Variants in PSMD13 observed in about 807,000 individuals in gnomAD.
PSMD13 encodes the protein proteasome 26S subunit, non-ATPase 13, also known as 26S proteasome non-ATPase regulatory subunit 13.
PSMD13 carries 8 observed loss-of-function variants against 57.4 expected under a neutral mutation model. That is an observed-to-expected ratio of 0.14 (90% confidence interval 0.08 to 0.25). PSMD13 has a LOEUF of 0.25. Ranked by LOEUF, PSMD13 falls within the 10% of genes least tolerant of loss-of-function variation. The pLI is 1.00. For missense variants in PSMD13, 400 were observed against 461.5 expected (o/e 0.87, Z 1.22); for synonymous variants, 193 against 168.2 (o/e 1.15, Z -1.14).
chr11:241,086 C>A (rs1859504471), intron 2 of PSMD13, among the ~76,000 whole-genome samples: 1 of 151,962 alleles, frequency 6.6e-6, no homozygotes, highest in African/African-American at 2.4e-5. Context: ...CCCGCCTTGG[C>A]CTCCCAAAGT....
chr11:247,924 A>G (rs1859686794), intron 7 of PSMD13: 1 of 152,908 alleles, frequency 6.5e-6, no homozygotes, highest in African/African-American at 2.4e-5. Context: ...TCTACATTAT[A>G]TTTGTCTCCA....
chr11:243,943 G>A (rs1317116187), intron 2 of PSMD13, 98 bp from the exon 3 acceptor site: 1 of 1,248,766 alleles, frequency 8.0e-7, no homozygotes, highest in Non-Finnish European at 1.1e-6. Flanking sequence ...CAACTTGATA[G>A]CATTGATGCA....
rs567592293 is a variant in PSMD13, at chr11:252,325, G to A, written c.1036-180G>A. Reference sequence around the variant, plus strand: ...CATGCAAGTTTTTTCTAACGTTCCTGTGAAAAGAATTAACCCGGCAAGTCC... The same window carrying A: ...CATGCAAGTTTTTTCTAACGTTCCTATGAAAAGAATTAACCCGGCAAGTCC... On this transcript the variant is annotated intron_variant, in intron 12 of 12. Coordinates refer to ENST00000532097, the MANE Select transcript of PSMD13 (RefSeq NM_002817.4). The surrounding 1 kb of genome is among the most constrained non-coding windows in gnomAD (Gnocchi z 4.1). 533 of 594,634 alleles carry A rather than the reference G, an allele frequency of 9.0e-4. 3 individuals carry two copies. The highest frequency in any genetic ancestry group is 1.5e-3 in the Non-Finnish European group (495 of 332,710). 36.8% of individuals were successfully genotyped at this position (594,634 alleles called of 1,614,324 possible).
chr11:251,277 C>G lies in PSMD13; in HGVS notation c.838-269C>G, dbSNP rs1452732297. The G allele has an allele frequency of 4.1e-6, 2 of 492,790 alleles. No individual in the cohort carries two copies. The highest frequency in any genetic ancestry group is 3.9e-5 in the African/African-American group (2 of 51,674). 30.5% of individuals were successfully genotyped at this position (492,790 alleles called of 1,614,324 possible). A position where few individuals can be genotyped will look rare whatever the true frequency, so the allele number is the denominator to read the frequency against. On this transcript the variant is annotated intron_variant, in intron 10 of 12. Transcript: ENST00000532097. The surrounding 1 kb of genome is among the most constrained non-coding windows in gnomAD (Gnocchi z 4.6). ...TTGCCGTGGTCACCCCTGGTCAACC[C>G]TGGCAAATTGTGGCCTCAAGTACTT...
In PSMD13 at chr11:249,127, G is replaced by A. The variant is rs965424226; in HGVS notation, c.774+70G>A. On this transcript the variant is annotated intron_variant, in intron 9 of 12. Coordinates refer to ENST00000532097, the MANE Select transcript of PSMD13 (RefSeq NM_002817.4). ...CTCGCTCATACAACAGATGTTCATT[G>A]AGCGTCTTCCCTAGGCACACAGGAA... is the stretch of plus-strand genomic sequence containing the variant. 2.5e-6 allele frequency: 4 copies of A among 1,590,582 alleles called. No homozygotes were observed. In the African/African-American group the frequency reaches 5.4e-5, roughly 21 times the overall value.
rs539058326 is a variant in PSMD13 at position 248,524 on chromosome 11, G to A, written c.569-252G>A. 4 of 499,076 alleles carry A rather than the reference G, an allele frequency of 8.0e-6. No individual in the cohort carries two copies. The South Asian group carries it at 1.0e-4, about 12-fold the overall frequency. The allele number at this position is 499,076 out of a possible 1,614,324, so 30.9% of individuals were successfully genotyped here. On this transcript the variant is annotated intron_variant, in intron 7 of 12. Transcript: ENST00000532097. ...GGCACTTCCTGGAAGTGGCACAGCT[G>A]AAAATATGAATAGATTCACATATAT...
rs956304517 is a variant in PSMD13 at position 251,092 on chromosome 11, C to T, written c.837+227C>T. On this transcript the variant is annotated intron_variant, in intron 10 of 12. Transcript: ENST00000532097. This position sits in a 1 kb window ranked among gnomAD's most constrained non-coding sequence, Gnocchi z 4.6. Reference sequence around the variant, plus strand: ...ACCCTCCCACCCCACTGCCACCACCCTGAGGCCTTCCCTGACCATCTGAAC... The same window carrying T: ...ACCCTCCCACCCCACTGCCACCACCTTGAGGCCTTCCCTGACCATCTGAAC... The T allele has an allele frequency of 3.7e-6, 2 of 543,884 alleles. No individual in the cohort carries two copies. Among genetic ancestry groups the T allele is most frequent in the South Asian group, 2.2e-5 (1 of 46,084 alleles). The allele number at this position is 543,884 out of a possible 1,614,324, so 33.7% of individuals were successfully genotyped here.
Position 244,658 on chromosome 11 carries a change from T to G in PSMD13, c.310-17T>G. 2 of 1,603,406 alleles carry G rather than the reference T, an allele frequency of 1.2e-6. No individual in the cohort carries two copies. The highest frequency in any genetic ancestry group is 1.7e-6 in the Non-Finnish European group (2 of 1,175,154). Reference sequence around the variant, plus strand: ...CCCACATTCTGAGGTTTCTTGTTTTTGTTTTTGATGTCTTAGGTGAAAAGT... The same window carrying G: ...CCCACATTCTGAGGTTTCTTGTTTTGGTTTTTGATGTCTTAGGTGAAAAGT... On this transcript the variant is annotated splice_polypyrimidine_tract_variant and intron_variant, in intron 5 of 12. Coordinates refer to ENST00000532097, the MANE Select transcript of PSMD13 (RefSeq NM_002817.4).
intron 6 of PSMD13, among the ~76,000 whole-genome samples, chr11:246,582 G>A (rs1046588139): frequency 1.3e-5 from 2 of 152,154 alleles, no homozygotes; most frequent in African/African-American, 2.4e-5. Flanking sequence ...GGTCCCTTGT[G>A]TGTGGGCAGA....
chr11:251,630 C>CG lies in PSMD13; in HGVS notation c.918+6dup. The CG allele has an allele frequency of 1.2e-6, 2 of 1,610,688 alleles. No homozygotes were observed. The highest frequency in any genetic ancestry group is 1.7e-6 in the Non-Finnish European group (2 of 1,176,860). On this transcript the variant is annotated splice_donor_region_variant and intron_variant, in intron 11 of 12. Transcript: ENST00000532097. This position sits in a 1 kb window ranked among gnomAD's most constrained non-coding sequence, Gnocchi z 4.6. ...TGCTAAAATCACAGTGAATGAGGTA[C>CG]GGTCCCTAGGCTCAGGGTGTTAGAG...
rs538884382 is a variant in PSMD13 at position 252,842 on chromosome 11, G to T, written c.*242G>T. 1.9e-5 allele frequency: 9 copies of T among 469,606 alleles called. No individual in the cohort carries two copies. The East Asian group carries it at 2.8e-4, about 15-fold the overall frequency. The allele number at this position is 469,606 out of a possible 1,614,324, so 29.1% of individuals were successfully genotyped here. On this transcript the variant is annotated 3_prime_UTR_variant, in exon 13 of 13. Coordinates refer to ENST00000532097, the MANE Select transcript of PSMD13 (RefSeq NM_002817.4). This position sits in a 1 kb window ranked among gnomAD's most constrained non-coding sequence, Gnocchi z 4.1. The stretch of plus-strand genomic sequence containing the variant: ...GGGGTCTCAGGGTCTTAGGTGATAC[G>T]GGAGAGAAAGAACGTGCCAGGCAGG...
At position 252,942 on chromosome 11, in the gene PSMD13, G is replaced by A. The variant is rs1045577; in HGVS notation, c.*342G>A. ...CCTGTACGGACATCTTTTCCGTTGC[G>A]GTTTGAGAATGTTCCTATAATAAAC... On this transcript the variant is annotated 3_prime_UTR_variant, in exon 13 of 13. Coordinates refer to ENST00000532097, the MANE Select transcript of PSMD13 (RefSeq NM_002817.4). This position sits in a 1 kb window ranked among gnomAD's most constrained non-coding sequence, Gnocchi z 4.1. 16,984 of 206,758 alleles carry A rather than the reference G, an allele frequency of 0.082. 846 individuals are homozygous for A. The highest frequency in any genetic ancestry group is 0.088 in the Non-Finnish European group (8,801 of 100,122). 12.8% of individuals were successfully genotyped at this position (206,758 alleles called of 1,614,324 possible). A position where few individuals can be genotyped will look rare whatever the true frequency, so the allele number is the denominator to read the frequency against.
chr11:248,590 G>A lies in PSMD13; in HGVS notation c.569-186G>A, dbSNP rs868402566. On this transcript the variant is annotated intron_variant, in intron 7 of 12. Coordinates refer to ENST00000532097, the MANE Select transcript of PSMD13 (RefSeq NM_002817.4). ...TGAATGCTCCTCCCAAAAAACCCATGTATATATGGTTCTTGGTATAATCTA... is the reference window on the plus strand; with the variant it reads ...TGAATGCTCCTCCCAAAAAACCCATATATATATGGTTCTTGGTATAATCTA... The A allele has an allele frequency of 5.4e-5, 33 of 608,170 alleles. No homozygotes were observed. In the South Asian group the frequency reaches 6.5e-4, roughly 12 times the overall value. 37.7% of individuals were successfully genotyped at this position (608,170 alleles called of 1,614,324 possible).
chr11:246,668 C>T (rs914569521), intron 6 of PSMD13, among the ~76,000 whole-genome samples: 6 of 152,188 alleles, frequency 3.9e-5, no homozygotes, highest in African/African-American at 1.4e-4. Flanking sequence ...TACATGCTCC[C>T]TCAGCACCAT....
intron 2 of PSMD13, 105 bp from the exon 3 acceptor site, chr11:243,936 C>A: frequency 8.3e-7 from 1 of 1,204,460 alleles, no homozygotes. Flanking sequence ...ACACTCCCAA[C>A]TTGATAGCAT....
At chr11:237,495 C>T (rs567510415) in intron 1 of PSMD13, among the ~76,000 whole-genome samples, 1 of 152,312 alleles carries the variant, frequency 6.6e-6, no homozygotes, top group Non-Finnish European at 1.5e-5. Flanking sequence ...CTCTTGATTC[C>T]ATCTAACAAG....
chr11:242,929 G>A (rs1358033330), intron 2 of PSMD13, among the ~76,000 whole-genome samples: 1 of 152,070 alleles, frequency 6.6e-6, no homozygotes, highest in African/African-American at 2.4e-5. Flanking sequence ...CCAAGTAGCT[G>A]GGACTACAGG....
Position 252,690 on chromosome 11 carries a change from G to C in PSMD13, c.*90G>C, listed in dbSNP as rs1859792019. 1 of 1,231,698 alleles carries C rather than the reference G, an allele frequency of 8.1e-7. No homozygotes were observed. Among genetic ancestry groups the C allele is most frequent in the African/African-American group, 1.5e-5 (1 of 67,082 alleles). 76.3% of individuals were successfully genotyped at this position (1,231,698 alleles called of 1,614,324 possible). On this transcript the variant is annotated 3_prime_UTR_variant, in exon 13 of 13. Coordinates refer to ENST00000532097, the MANE Select transcript of PSMD13 (RefSeq NM_002817.4). This position sits in a 1 kb window ranked among gnomAD's most constrained non-coding sequence, Gnocchi z 4.1. ...GCTGGCTGCTCAGACGGTCGACATTGAATTTGGGTGGGGGTTGGGATCCTG... is the reference window on the plus strand; with the variant it reads ...GCTGGCTGCTCAGACGGTCGACATTCAATTTGGGTGGGGGTTGGGATCCTG...
intron 7 of PSMD13, chr11:248,044 C>T (rs11246035): frequency 0.22 from 33,477 of 152,104 alleles, 3,960 homozygotes; most frequent in Admixed American, 0.3. Flanking sequence ...AGCACCATGA[C>T]GCCAACACCT....
Sources: allele counts gnomAD v4.1 joint callset (sites outside exome capture counted in the v4.1 genomes callset), GRCh38; gene constraint gnomAD v4.1.1; non-coding constraint Gnocchi (gnomAD v3.1); transcripts MANE v1.5; gene names NCBI Gene and HGNC (gene_info 2026-07-23, HGNC 2026-07-21).